Variants in GRM7 observed in about 807,000 individuals in gnomAD.
GRM7 encodes metabotropic glutamate receptor 7.
Under a neutral mutation model 84.5 loss-of-function variants are expected in GRM7, and 35 were observed. The observed-to-expected ratio is 0.41, with a 90% confidence interval of 0.32 to 0.55. The LOEUF is 0.55. Among genes scored for constraint, GRM7 ranks in the 20% least tolerant of loss-of-function variants. The pLI is 0.19. For synonymous variants in GRM7, 487 were observed against 455.1 expected, an observed-to-expected ratio of 1.07 and a Z score of -0.89; for missense variants, 1,003 against 1,194.6, an observed-to-expected ratio of 0.84 and a Z score of 2.36.
chr3:7,112,403 T>G (rs1353611716), intron 1 of GRM7, among the ~76,000 whole-genome samples: 3 of 152,044 alleles, frequency 2.0e-5, no homozygotes, highest in Admixed American at 1.3e-4. Context: ...TTTTTGTATT[T>G]TTAGTAGAGA....
At chr3:7,622,540 G>A (rs1400363777) in intron 8 of GRM7, among the ~76,000 whole-genome samples, 1 of 152,054 alleles carries the variant, frequency 6.6e-6, no homozygotes, top group Non-Finnish European at 1.5e-5. Flanking sequence ...TGTGTTAAGT[G>A]CCATAAAGGA....
At chr3:7,523,180 G>A (rs981819619) in intron 7 of GRM7, among the ~76,000 whole-genome samples, 57 of 152,112 alleles carry the variant, frequency 3.7e-4, no homozygotes, top group Middle Eastern at 3.4e-3. Flanking sequence ...CCAACTTACC[G>A]CATTCTTATA....
chr3:7,090,755 G>C (rs9826341), intron 1 of GRM7, among the ~76,000 whole-genome samples: 82,388 of 152,058 alleles, frequency 0.54, 24,727 homozygotes, highest in African/African-American at 0.82. Flanking sequence ...AGATAAGATA[G>C]AGAAGAGAGA....
At chr3:7,368,105 G>A (rs1322252751) in intron 4 of GRM7, among the ~76,000 whole-genome samples, 2 of 151,982 alleles carry the variant, frequency 1.3e-5, no homozygotes, top group African/African-American at 4.8e-5. Flanking sequence ...TGCATATAAA[G>A]TATAAGACCA....
At chr3:6,966,761 A>G (rs756304381) in intron 1 of GRM7, among the ~76,000 whole-genome samples, 25 of 152,318 alleles carry the variant, frequency 1.6e-4, no homozygotes, top group African/African-American at 2.2e-4. Context: ...AGTAAAACAA[A>G]AGAGTCTCTG....
chr3:6,911,124 A>G (rs1696754292), intron 1 of GRM7, among the ~76,000 whole-genome samples: 1 of 152,164 alleles, frequency 6.6e-6, no homozygotes, highest in Non-Finnish European at 1.5e-5. Flanking sequence ...ACAACAGGAA[A>G]GAGGGCAGAT....
intron 7 of GRM7, among the ~76,000 whole-genome samples, chr3:7,521,197 C>T (rs748649738): frequency 6.6e-6 from 1 of 152,202 alleles, no homozygotes; most frequent in Non-Finnish European, 1.5e-5. Context: ...GTTGAGCAGG[C>T]CACTCTCCTG....
intron 4 of GRM7, among the ~76,000 whole-genome samples, chr3:7,378,839 G>A (rs111707492): frequency 1.2e-4 from 19 of 152,082 alleles, no homozygotes; most frequent in Admixed American, 2.0e-4. Flanking sequence ...TTCTTTAAGC[G>A]TTTGAAAGAG....
At chr3:7,128,358 C>G (rs1261550724) in intron 1 of GRM7, among the ~76,000 whole-genome samples, 1 of 151,740 alleles carries the variant, frequency 6.6e-6, no homozygotes, top group Non-Finnish European at 1.5e-5. Flanking sequence ...AAACCAGACA[C>G]CTAATACCCT....
At chr3:7,319,393 A>T (rs1296319530) in intron 4 of GRM7, among the ~76,000 whole-genome samples, 2 of 152,120 alleles carry the variant, frequency 1.3e-5, no homozygotes, top group African/African-American at 4.8e-5. Context: ...TGTTAGGACA[A>T]GCTGGAGAAA....
chr3:7,543,277 G>T (rs1188542514), intron 7 of GRM7, among the ~76,000 whole-genome samples: 1 of 152,196 alleles, frequency 6.6e-6, no homozygotes, highest in African/African-American at 2.4e-5. Flanking sequence ...GTCAAACAGG[G>T]TTCATCACAG....
chr3:7,565,854 C>A (rs1467072744), intron 7 of GRM7, among the ~76,000 whole-genome samples: 1 of 152,150 alleles, frequency 6.6e-6, no homozygotes, highest in Non-Finnish European at 1.5e-5. Flanking sequence ...AGGAAGTAAC[C>A]TTTATCTGTT....
chr3:7,071,603 T>C (rs17046760), intron 1 of GRM7, among the ~76,000 whole-genome samples: 20,632 of 152,000 alleles, frequency 0.14, 2,145 homozygotes, highest in African/African-American at 0.29. Context: ...GATAGAAAGA[T>C]GTGTCACCAA....
intron 8 of GRM7, among the ~76,000 whole-genome samples, chr3:7,652,819 T>C (rs1439143652): frequency 6.6e-6 from 1 of 152,238 alleles, no homozygotes; most frequent in Non-Finnish European, 1.5e-5. Context: ...AGACCAGCTG[T>C]ATGCATAACA....
chr3:7,114,206 A>G (rs992254526), intron 1 of GRM7, among the ~76,000 whole-genome samples: 1 of 152,208 alleles, frequency 6.6e-6, no homozygotes, highest in Non-Finnish European at 1.5e-5. Flanking sequence ...GAACAATAGC[A>G]CATACTTACT....
chr3:7,229,726 C>CATAT lies in GRM7; in HGVS notation c.737-68927_737-68924dup, dbSNP rs1162837346. On this transcript the variant is annotated intron_variant, in intron 2 of 9. Coordinates refer to ENST00000357716, the MANE Select transcript of GRM7 (RefSeq NM_000844.4). ...CAACCCCGCTCTCCATAGACACACA[C>CATAT]ATATATATATATATATATATATATA... Among the ~76,000 whole-genome samples the CATAT allele has an allele frequency of 8.2e-3, 235 of 28,526 alleles. 1 individual carries two copies. Among genetic ancestry groups the CATAT allele is most frequent in the Non-Finnish European group, 0.012 (202 of 16,476 alleles). 18.7% of individuals were successfully genotyped at this position (28,526 alleles called of 152,430 possible). A position where few individuals can be genotyped will look rare whatever the true frequency, so the allele number is the denominator to read the frequency against.
intron 1 of GRM7, among the ~76,000 whole-genome samples, chr3:7,122,205 G>A (rs920710766): frequency 9.2e-5 from 14 of 152,150 alleles, no homozygotes; most frequent in Non-Finnish European, 1.5e-5. Flanking sequence ...TTGTGGCTGT[G>A]CCTGGCTGGA....
intron 7 of GRM7, among the ~76,000 whole-genome samples, chr3:7,482,356 A>G (rs1699163486): frequency 1.3e-5 from 2 of 152,284 alleles, no homozygotes. Flanking sequence ...AAATAAACTG[A>G]CATAACCTGA....
At chr3:6,891,624 C>T (rs1414529010) in intron 1 of GRM7, among the ~76,000 whole-genome samples, 2 of 152,180 alleles carry the variant, frequency 1.3e-5, no homozygotes, top group Non-Finnish European at 2.9e-5. Flanking sequence ...ATGGGCTTCC[C>T]TTTGTGGGTA....
Sources: allele counts gnomAD v4.1 joint callset (sites outside exome capture counted in the v4.1 genomes callset), GRCh38; gene constraint gnomAD v4.1.1; transcripts MANE v1.5; gene names NCBI Gene and HGNC (gene_info 2026-07-23, HGNC 2026-07-21).